WWP2: variants seen among roughly 807,000 people sequenced by gnomAD.
WWP2 encodes the protein WW domain containing E3 ubiquitin protein ligase 2.
A neutral mutation model predicts 121.0 loss-of-function variants in WWP2; 57 were observed. The observed-to-expected ratio is 0.47, with a 90% CI of 0.38 to 0.59. WWP2 has a LOEUF of 0.59. Among genes scored for constraint, WWP2 ranks in the 20% least tolerant of loss-of-function variants. The pLI, the probability that WWP2 is intolerant of heterozygous loss-of-function variation, is 0.00. For missense variants in WWP2, 962 were observed against 1,158.9 expected (o/e 0.83, Z 2.47); for synonymous variants, 449 against 441.3 (o/e 1.02, Z -0.22).
intron 6 of WWP2, among the ~76,000 whole-genome samples, chr16:69,852,418 C>T (rs116934842): frequency 1.3e-5 from 2 of 152,012 alleles, no homozygotes; most frequent in African/African-American, 4.8e-5. Flanking sequence ...CTGGGTGGCA[C>T]CTGCCACCAC....
chr16:69,812,468 A>ACCCCC (rs747172682), intron 4 of WWP2, among the ~76,000 whole-genome samples: 19 of 101,766 alleles, frequency 1.9e-4, no homozygotes, highest in South Asian at 3.4e-4. Flanking sequence ...CCTGCCCCCA[A>ACCCCC]CCCCCCCCCT....
chr16:69,764,553 A>G (rs1597627614), intron 1 of WWP2, among the ~76,000 whole-genome samples: 1 of 152,234 alleles, frequency 6.6e-6, no homozygotes, highest in East Asian at 1.9e-4. Context: ...AAGGAAAAAG[A>G]TCACACAGAA....
chr16:69,793,955 G>A (rs1240595185), intron 2 of WWP2, among the ~76,000 whole-genome samples: 2 of 102,094 alleles, frequency 2.0e-5, no homozygotes, highest in African/African-American at 3.8e-5. Flanking sequence ...GTCTTGCTCT[G>A]TTACCCAGGC....
chr16:69,810,382 G>A (rs17240793), intron 4 of WWP2, among the ~76,000 whole-genome samples: 4,020 of 152,110 alleles, frequency 0.026, 97 homozygotes, highest in Middle Eastern at 0.037. Flanking sequence ...AGTCATCTCT[G>A]GGTAGAACCC....
chr16:69,800,870 GTTATTC>G (rs1318904114), intron 4 of WWP2, among the ~76,000 whole-genome samples: 1 of 150,306 alleles, frequency 6.7e-6, no homozygotes, highest in African/African-American at 2.4e-5. Flanking sequence ...CAGCCTGATA[GTTATTC>G]TTAATGTTTT....
Position 69,931,541 on chromosome 16 carries a change from C to T in WWP2, c.1554C>T (p.Ser518=), listed in dbSNP as rs146199930. The part of the protein sequence containing the change: ...SNALPSHVKI[S]VSRQTLFEDS... ...CCCTACCTAGCCACGTGAAGATCAGCGTTTCCAGGCAGACGCTTTTCGAAG... is the reference window on the plus strand; with the variant it reads ...CCCTACCTAGCCACGTGAAGATCAGTGTTTCCAGGCAGACGCTTTTCGAAG... Residue 518 remains serine (S), a synonymous_variant, in exon 15 of 24, where the codon AGC becomes AGT. Coordinates refer to ENST00000359154, the MANE Select transcript of WWP2 (RefSeq NM_001270454.2). 3.0e-3 allele frequency: 4,811 copies of T among 1,613,636 alleles called. 15 individuals carry two copies. Among genetic ancestry groups the T allele is most frequent in the Non-Finnish European group, 3.6e-3 (4,299 of 1,179,958 alleles).
rs141759371 is a variant in WWP2 at position 69,931,200 on chromosome 16, G to A, written c.1494G>A (p.Lys498=). 5.3e-5 allele frequency: 85 copies of A among 1,614,208 alleles called. 1 individual carries two copies. In the South Asian group the frequency reaches 9.1e-4, roughly 17 times the overall value. ...PGAYDRSFRW[K]YHQFRFLCHS... The stretch of plus-strand genomic sequence containing the variant: ...CTTATGACCGCAGTTTTCGGTGGAA[G>A]TATCACCAGTTCCGTTTCCTCTGCC... Residue 498 remains lysine, a synonymous_variant, in exon 14 of 24, where the codon AAG becomes AAA. Transcript: ENST00000359154.
At chr16:69,871,648 G>A (rs2057638162) in intron 6 of WWP2, 156 bp from the exon 7 acceptor site, 10 of 1,071,978 alleles carry the variant, frequency 9.3e-6, no homozygotes, top group South Asian at 1.7e-5. Flanking sequence ...CTCTCTGCTT[G>A]GAACCAGCTT....
intron 6 of WWP2, among the ~76,000 whole-genome samples, chr16:69,853,754 C>G (rs912892094): frequency 1.3e-5 from 2 of 152,148 alleles, no homozygotes; most frequent in African/African-American, 4.8e-5. Flanking sequence ...AGCAGGACTG[C>G]ATGGCTGGCT....
chr16:69,787,148 T>G (rs1358760086), intron 2 of WWP2, 68 bp downstream of exon 2: 2 of 1,461,284 alleles, frequency 1.4e-6, no homozygotes, highest in East Asian at 4.9e-5. Flanking sequence ...TAACCACACC[T>G]TGGTCTGGGG....
At chr16:69,908,612 G>A in intron 8 of WWP2, 149 bp from the exon 9 acceptor site, 1 of 1,460,142 alleles carries the variant, frequency 6.8e-7, no homozygotes, top group Non-Finnish European at 9.1e-7. Context: ...AGCCACAGCA[G>A]GAACTGGCTT....
Position 69,937,528 on chromosome 16 carries a change from T to C in WWP2, c.2239-20T>C. 6.2e-7 allele frequency: 1 copy of C among 1,613,440 alleles called. No homozygotes were observed. The highest frequency in any genetic ancestry group is 1.1e-5 in the South Asian group (1 of 91,046). On this transcript the variant is annotated intron_variant, in intron 20 of 23. Coordinates refer to ENST00000359154, the MANE Select transcript of WWP2 (RefSeq NM_001270454.2). The surrounding 1 kb of genome is among the most constrained non-coding windows in gnomAD (Gnocchi z 6.6). Reference sequence around the variant, plus strand: ...GCGGGGAGGGACCTGCCGGGGATGCTGACTGCCGCCTCTCCCCAGCTGATG... The same window carrying C: ...GCGGGGAGGGACCTGCCGGGGATGCCGACTGCCGCCTCTCCCCAGCTGATG...
intron 21 of WWP2, among the ~76,000 whole-genome samples, chr16:69,938,069 A>G (rs1460542684): frequency 6.6e-6 from 1 of 152,234 alleles, no homozygotes; most frequent in African/African-American, 2.4e-5. Flanking sequence ...GAAATACAGC[A>G]TACAAAAAAA....
intron 4 of WWP2, among the ~76,000 whole-genome samples, chr16:69,804,092 T>C (rs1488920237): frequency 6.6e-6 from 1 of 152,226 alleles, no homozygotes; most frequent in East Asian, 1.9e-4. Context: ...AACTCTTTAT[T>C]TGTTAAGGTT....
intron 6 of WWP2, among the ~76,000 whole-genome samples, chr16:69,870,028 A>G (rs943518024): frequency 1.3e-5 from 2 of 152,226 alleles, no homozygotes; most frequent in African/African-American, 2.4e-5. Flanking sequence ...TTCCTGTCCC[A>G]TCTTCTGACC....
At chr16:69,867,156 T>A (rs2057541201) in intron 6 of WWP2, among the ~76,000 whole-genome samples, 1 of 151,832 alleles carries the variant, frequency 6.6e-6, no homozygotes, top group African/African-American at 2.4e-5. Flanking sequence ...TTTTTTTTTT[T>A]TAAACCAAAC....
intron 4 of WWP2, among the ~76,000 whole-genome samples, chr16:69,824,767 CTTTTTTTT>C (rs34154307): frequency 1.2e-5 from 1 of 82,752 alleles, no homozygotes; most frequent in African/African-American, 5.3e-5. Flanking sequence ...GCACCTGTGG[CTTTTTTTT>C]TTTTTTTTTT....
At chr16:69,814,142 A>C (rs974769821) in intron 4 of WWP2, among the ~76,000 whole-genome samples, 8 of 152,132 alleles carry the variant, frequency 5.3e-5, no homozygotes, top group Admixed American at 3.3e-4. Context: ...GGTACCTTGC[A>C]TACCAAATGT....
At chr16:69,883,333 C>G in intron 7 of WWP2, among the ~76,000 whole-genome samples, 1 of 151,860 alleles carries the variant, frequency 6.6e-6, no homozygotes, top group East Asian at 1.9e-4. Context: ...TTTCTGCTGA[C>G]TATGAGTTGT....
Sources: allele counts gnomAD v4.1 joint callset (sites outside exome capture counted in the v4.1 genomes callset), GRCh38; gene constraint gnomAD v4.1.1; non-coding constraint Gnocchi (gnomAD v3.1); transcripts MANE v1.5; gene names NCBI Gene and HGNC (gene_info 2026-07-23, HGNC 2026-07-21).